GRID2: variants seen among roughly 807,000 people sequenced by gnomAD.
GRID2 encodes glutamate receptor ionotropic, delta-2.
A neutral mutation model predicts 114.8 loss-of-function variants in GRID2; 33 were observed. The ratio of observed to expected loss-of-function variants is 0.29; its 90% CI spans 0.22 to 0.38. GRID2 has a LOEUF of 0.38. GRID2 is among the 10% of genes least tolerant of loss of function. GRID2 has a pLI of 1.00. For missense variants in GRID2, 1,184 were observed against 1,257.7 expected, an observed-to-expected ratio of 0.94 and a Z score of 0.89; for synonymous variants, 505 against 449.9, an observed-to-expected ratio of 1.12 and a Z score of -1.55.
At chr4:92,475,408 A>T (rs2149099454) in intron 1 of GRID2, among the ~76,000 whole-genome samples, 1 of 151,340 alleles carries the variant, frequency 6.6e-6, no homozygotes, top group South Asian at 2.1e-4. Flanking sequence ...GCTTTCCTAG[A>T]ATCATTTATT....
At chr4:92,604,193 T>C (rs900276477) in intron 2 of GRID2, among the ~76,000 whole-genome samples, 1 of 152,166 alleles carries the variant, frequency 6.6e-6, no homozygotes, top group Non-Finnish European at 1.5e-5. Context: ...ACTGGGTATA[T>C]ACCCAAAGGA....
At chr4:93,554,380 TC>T (rs1734093760) in intron 13 of GRID2, among the ~76,000 whole-genome samples, 1 of 152,152 alleles carries the variant, frequency 6.6e-6, no homozygotes, top group East Asian at 1.9e-4. Flanking sequence ...AATCTTCTTT[TC>T]CCTCTGTCCT....
intron 2 of GRID2, among the ~76,000 whole-genome samples, chr4:93,023,093 T>TTGTG (rs370431407): frequency 0.01 from 1,470 of 143,906 alleles, 14 homozygotes; most frequent in African/African-American, 0.018. Context: ...CAGAGAACAT[T>TTGTG]TGTGTGTGTG....
rs570942105 is a variant in GRID2, at chr4:92,538,826, TAGTC to T, written c.89-51302_89-51299del. Among the ~76,000 whole-genome samples, 60 of 152,122 alleles carry T rather than the reference TAGTC, an allele frequency of 3.9e-4. No homozygotes were observed. The Middle Eastern group carries it at 0.01, about 26-fold the overall frequency. ...GAGTGTCATTATTAAAAATGCCTAA[TAGTC>T]AGGAGATCAAGACCATCCTGGCTAA... On this transcript the variant is annotated intron_variant, in intron 1 of 15. Transcript: ENST00000282020.
chr4:93,459,940 T>A (rs1246552931), intron 11 of GRID2, among the ~76,000 whole-genome samples: 1 of 152,182 alleles, frequency 6.6e-6, no homozygotes, highest in African/African-American at 2.4e-5. Context: ...TCAAGTCCTG[T>A]CAATTTTACC....
chr4:93,082,875 G>C (rs913692506), intron 2 of GRID2, among the ~76,000 whole-genome samples: 2 of 152,140 alleles, frequency 1.3e-5, no homozygotes, highest in African/African-American at 4.8e-5. Context: ...AAGATTTTAT[G>C]CTAAAGCAAA....
At chr4:92,538,958 C>T (rs2122522) in intron 1 of GRID2, among the ~76,000 whole-genome samples, 32,052 of 150,710 alleles carry the variant, frequency 0.21, 3,776 homozygotes, top group South Asian at 0.29. Context: ...AGGAGAATGG[C>T]GTGAGCCTGG....
chr4:93,484,850 T>C (rs928364215), intron 11 of GRID2, among the ~76,000 whole-genome samples: 13 of 151,914 alleles, frequency 8.6e-5, no homozygotes, highest in Admixed American at 7.9e-4. Context: ...TCTCAAAGTA[T>C]GTTTGGGCTG....
intron 1 of GRID2, among the ~76,000 whole-genome samples, chr4:92,557,645 T>TTTATATATATA (rs1553949920): frequency 7.0e-6 from 1 of 142,678 alleles, no homozygotes; most frequent in Admixed American, 7.1e-5. Flanking sequence ...ATATATATGG[T>TTTATATATATA]TATATATATA....
At chr4:93,366,040 T>C (rs1762302637) in intron 8 of GRID2, among the ~76,000 whole-genome samples, 1 of 152,098 alleles carries the variant, frequency 6.6e-6, no homozygotes, top group Non-Finnish European at 1.5e-5. Flanking sequence ...AGGATGTATA[T>C]TGCCTCAGGA....
chr4:92,823,100 A>C (rs1040344360), intron 2 of GRID2: 9 of 152,132 alleles, frequency 5.9e-5, no homozygotes, highest in African/African-American at 2.2e-4. Context: ...ACTAATTTAG[A>C]GTCTATGTGA....
chr4:93,770,593 A>AC (rs1734028138), intron 15 of GRID2, among the ~76,000 whole-genome samples: 1 of 152,210 alleles, frequency 6.6e-6, no homozygotes, highest in African/African-American at 2.4e-5. Flanking sequence ...GTGAATGAGC[A>AC]TACATTCTAA....
At chr4:92,350,112 T>C (rs1727991334) in intron 1 of GRID2, among the ~76,000 whole-genome samples, 1 of 151,972 alleles carries the variant, frequency 6.6e-6, no homozygotes, top group African/African-American at 2.4e-5. Flanking sequence ...TTTTTCTGTG[T>C]CTTGCTACTC....
Position 92,437,966 on chromosome 4 carries a change from G to A in GRID2, c.88+133222G>A, listed in dbSNP as rs148775360. Among the ~76,000 whole-genome samples the A allele has an allele frequency of 4.9e-3, 743 of 151,998 alleles. 6 individuals are homozygous for A. Among genetic ancestry groups the A allele is most frequent in the African/African-American group, 0.016 (656 of 41,326 alleles). On this transcript the variant is annotated intron_variant, in intron 1 of 15. Transcript: ENST00000282020. ...TACTAGCATTTTTTTCTTGAGCCAA[G>A]ATTACATGCATTTTTTAAAGTTCAT... is the stretch of plus-strand genomic sequence containing the variant.
At chr4:92,674,690 T>G (rs568769369) in intron 2 of GRID2, among the ~76,000 whole-genome samples, 4 of 151,986 alleles carry the variant, frequency 2.6e-5, no homozygotes, top group African/African-American at 9.6e-5. Flanking sequence ...CCCAGCTAAT[T>G]TTTTGTATTT....
At chr4:93,007,477 G>T (rs1189639501) in intron 2 of GRID2, among the ~76,000 whole-genome samples, 1 of 152,098 alleles carries the variant, frequency 6.6e-6, no homozygotes, top group Non-Finnish European at 1.5e-5. Flanking sequence ...TTTAAAAAAT[G>T]CAAGGAAAGA....
At chr4:92,753,245 T>C (rs1487508221) in intron 2 of GRID2, among the ~76,000 whole-genome samples, 1 of 152,192 alleles carries the variant, frequency 6.6e-6, no homozygotes, top group East Asian at 1.9e-4. Context: ...TATTAGATTA[T>C]GTTATCAGAA....
chr4:93,258,553 A>G lies in GRID2; in HGVS notation c.1245+20063A>G, dbSNP rs1314752753. ...ATTATTTCAAAGACATGTTTTGAAA[A>G]AAAGACTCAGAGTTGTAAAGAGACA... On this transcript the variant is annotated intron_variant, in intron 8 of 15. Coordinates refer to ENST00000282020, the MANE Select transcript of GRID2 (RefSeq NM_001510.4). Among the ~76,000 whole-genome samples, 4 of 151,938 alleles carry G rather than the reference A, an allele frequency of 2.6e-5. No individual in the cohort carries two copies. The South Asian group carries it at 8.3e-4, about 31-fold the overall frequency.
At chr4:93,043,046 T>C (rs1430780879) in intron 2 of GRID2, among the ~76,000 whole-genome samples, 1 of 152,100 alleles carries the variant, frequency 6.6e-6, no homozygotes, top group Non-Finnish European at 1.5e-5. Flanking sequence ...ATAAATATTT[T>C]TCCCAGCAGA....
Sources: allele counts gnomAD v4.1 joint callset (sites outside exome capture counted in the v4.1 genomes callset), GRCh38; gene constraint gnomAD v4.1.1; transcripts MANE v1.5; gene names NCBI Gene and HGNC (gene_info 2026-07-23, HGNC 2026-07-21).